The following TNR variants were observed in gnomAD, a reference collection of about 807,000 sequenced individuals.
TNR encodes the protein tenascin-R.
A neutral mutation model predicts 150.4 loss-of-function variants in TNR; 45 were observed. The ratio of observed to expected loss-of-function variants is 0.30; its 90% confidence interval spans 0.24 to 0.38. TNR has a LOEUF of 0.38. Among genes scored for constraint, TNR ranks in the 10% least tolerant of loss-of-function variants. TNR has a pLI of 1.00. For synonymous variants in TNR, 687 were observed against 678.4 expected (o/e 1.01, Z -0.20); for missense variants, 1,544 against 1,759.1 (o/e 0.88, Z 2.19).
intron 2 of TNR, among the ~76,000 whole-genome samples, chr1:175,463,219 A>T (rs191054194): frequency 1.3e-5 from 2 of 152,214 alleles, no homozygotes; most frequent in African/African-American, 2.4e-5. Context: ...TAGGTTCCTT[A>T]TACCACTGAC....
chr1:175,535,224 A>G (rs1371444421), intron 1 of TNR, among the ~76,000 whole-genome samples: 1 of 152,182 alleles, frequency 6.6e-6, no homozygotes, highest in Non-Finnish European at 1.5e-5. Flanking sequence ...GTCCCTGATC[A>G]GCATTCCCTG....
intron 2 of TNR, among the ~76,000 whole-genome samples, chr1:175,516,162 T>C (rs1000197489): frequency 1.3e-5 from 2 of 152,218 alleles, no homozygotes; most frequent in Non-Finnish European, 2.9e-5. Context: ...AGTAGTGGCT[T>C]TCTGTAACGT....
At chr1:175,612,923 C>T (rs995857027) in intron 1 of TNR, among the ~76,000 whole-genome samples, 16 of 109,102 alleles carry the variant, frequency 1.5e-4, no homozygotes, top group Admixed American at 6.3e-4. Context: ...AGGAACACAG[C>T]CCCCCTTTCC....
chr1:175,666,751 G>C (rs1248053888), intron 1 of TNR, among the ~76,000 whole-genome samples: 3 of 152,126 alleles, frequency 2.0e-5, no homozygotes, highest in Non-Finnish European at 4.4e-5. Context: ...TAGATTCGTT[G>C]TTGTTATTGT....
intron 1 of TNR, among the ~76,000 whole-genome samples, chr1:175,610,615 G>T (rs1179541835): frequency 1.3e-5 from 2 of 152,104 alleles, no homozygotes; most frequent in Non-Finnish European, 2.9e-5. Context: ...CCCCACACCT[G>T]GTTCTTTCCA....
chr1:175,604,955 T>G (rs1192608147), intron 1 of TNR, among the ~76,000 whole-genome samples: 2 of 152,182 alleles, frequency 1.3e-5, no homozygotes, highest in Non-Finnish European at 2.9e-5. Flanking sequence ...CATACACAAA[T>G]GGAACACCCA....
chr1:175,653,719 T>C (rs940130706), intron 1 of TNR, among the ~76,000 whole-genome samples: 1 of 152,192 alleles, frequency 6.6e-6, no homozygotes, highest in African/African-American at 2.4e-5. Flanking sequence ...TATCTCAAAG[T>C]CAAAAGAATT....
At chr1:175,505,975 G>A (rs1405184125) in intron 2 of TNR, among the ~76,000 whole-genome samples, 1 of 152,250 alleles carries the variant, frequency 6.6e-6, no homozygotes, top group Non-Finnish European at 1.5e-5. Flanking sequence ...AGGAGGTGGA[G>A]GTTACAGTGA....
intron 1 of TNR, among the ~76,000 whole-genome samples, chr1:175,671,945 G>A (rs1195124770): frequency 6.6e-6 from 1 of 151,648 alleles, no homozygotes; most frequent in Non-Finnish European, 1.5e-5. Flanking sequence ...GTGTGTGTGT[G>A]TGTGTTGGAG....
At chr1:175,350,508 C>T (rs548803356) in intron 18 of TNR, among the ~76,000 whole-genome samples, 13 of 152,212 alleles carry the variant, frequency 8.5e-5, no homozygotes, top group Non-Finnish European at 1.6e-4. Context: ...AAATTTCAGG[C>T]GACAGTAAAT....
At chr1:175,605,388 C>T (rs1386029083) in intron 1 of TNR, among the ~76,000 whole-genome samples, 1 of 152,160 alleles carries the variant, frequency 6.6e-6, no homozygotes, top group Non-Finnish European at 1.5e-5. Flanking sequence ...CACTTTAAAA[C>T]TGCCAGCGCA....
intron 1 of TNR, among the ~76,000 whole-genome samples, chr1:175,598,361 A>T (rs1663089662): frequency 6.6e-6 from 1 of 152,252 alleles, no homozygotes; most frequent in South Asian, 2.1e-4. Context: ...GATCAAGATC[A>T]CTTCATTAGT....
rs550540988 is a variant in TNR, at chr1:175,625,313, C to T, written c.-164-96944G>A. 6.6e-5 allele frequency among the ~76,000 whole-genome samples: 10 copies of T among 152,284 alleles called. No homozygotes were observed. The South Asian group carries it at 8.3e-4, about 13-fold the overall frequency. ...TGCCAGAGAAACAGAATATCATGAA[C>T]GCAAAGACTGTAGCAGAACTAGATG... On this transcript the variant is annotated intron_variant, in intron 1 of 22. Coordinates refer to ENST00000367674, the MANE Select transcript of TNR (RefSeq NM_003285.3).
At chr1:175,716,179 G>T (rs1033003100) in intron 1 of TNR, among the ~76,000 whole-genome samples, 1 of 152,112 alleles carries the variant, frequency 6.6e-6, no homozygotes, top group African/African-American at 2.4e-5. Context: ...TTTCTCTTTT[G>T]TGTCTCAAAG....
intron 1 of TNR, among the ~76,000 whole-genome samples, chr1:175,658,602 G>C (rs1183199166): frequency 2.0e-5 from 3 of 152,200 alleles, no homozygotes; most frequent in Non-Finnish European, 2.9e-5. Flanking sequence ...CCAATGGCTA[G>C]AACATTTTCA....
intron 1 of TNR, among the ~76,000 whole-genome samples, chr1:175,656,141 A>AGTGTGT (rs575020723): frequency 0.053 from 6,512 of 123,828 alleles, 253 homozygotes; most frequent in East Asian, 0.11. Flanking sequence ...GGAAGGTTGA[A>AGTGTGT]GTGTGTGTGT....
intron 1 of TNR, among the ~76,000 whole-genome samples, chr1:175,659,440 G>T (rs914195705): frequency 6.6e-6 from 1 of 152,184 alleles, no homozygotes; most frequent in Admixed American, 6.5e-5. Context: ...TCCTCTCCCA[G>T]ATGAAGCAGC....
At chr1:175,564,168 CT>C (rs776424404) in intron 1 of TNR, among the ~76,000 whole-genome samples, 43 of 152,378 alleles carry the variant, frequency 2.8e-4, no homozygotes, top group South Asian at 1.2e-3. Context: ...AAGACCCTGA[CT>C]TCTTCAAGGC....
intron 1 of TNR, among the ~76,000 whole-genome samples, chr1:175,620,071 T>C (rs1054303341): frequency 6.6e-6 from 1 of 152,250 alleles, no homozygotes; most frequent in African/African-American, 2.4e-5. Context: ...TAATTTCACA[T>C]AGATGCAGTC....
Sources: gnomAD v4.1 joint callset for allele counts (sites outside exome capture counted in the v4.1 genomes callset) on GRCh38, gnomAD v4.1.1 for gene constraint, MANE v1.5 for transcripts, NCBI Gene and HGNC (gene_info 2026-07-23, HGNC 2026-07-21) for gene names.